TMEM178B: variants seen among roughly 807,000 people sequenced by gnomAD.
TMEM178B encodes transmembrane protein 178B.
Under a neutral mutation model 31.0 loss-of-function variants are expected in TMEM178B, and 5 were observed. The observed-to-expected ratio is 0.16, with a 90% CI of 0.08 to 0.34. TMEM178B has a LOEUF of 0.34. Ranked by LOEUF, TMEM178B falls within the 10% of genes least tolerant of loss-of-function variation. The probability of loss-of-function intolerance (pLI) is 1.00; values close to 1 mark genes in which losing one functional copy is unlikely to be tolerated. For synonymous variants in TMEM178B, 164 were observed against 164.0 expected, an observed-to-expected ratio of 1.00 and a Z score of 0.00; for missense variants, 275 against 400.3, an observed-to-expected ratio of 0.69 and a Z score of 2.67.
chr7:141,336,541 T>C (rs541407223), intron 2 of TMEM178B, among the ~76,000 whole-genome samples: 2 of 152,208 alleles, frequency 1.3e-5, no homozygotes, highest in Admixed American at 1.3e-4. Context: ...GTTTGGGCTG[T>C]TGTGACTTGT....
At chr7:141,429,808 CAT>C (rs992868124) in intron 2 of TMEM178B, 4 of 152,282 alleles carry the variant, frequency 2.6e-5, no homozygotes, top group African/African-American at 9.6e-5. Context: ...ATGATAAAAA[CAT>C]AAAATGTTAT....
chr7:141,222,036 G>A (rs1797265412), intron 2 of TMEM178B, among the ~76,000 whole-genome samples: 1 of 152,216 alleles, frequency 6.6e-6, no homozygotes, highest in African/African-American at 2.4e-5. Flanking sequence ...GTGGATCGTA[G>A]TGGTCAGAGA....
chr7:141,074,712 C>A lies in TMEM178B; in HGVS notation c.382+20C>A. 6.9e-7 allele frequency: 1 copy of A among 1,459,556 alleles called. No homozygotes were observed. Among genetic ancestry groups the A allele is most frequent in the Non-Finnish European group, 9.0e-7 (1 of 1,110,378 alleles). 90.4% of individuals were successfully genotyped at this position (1,459,556 alleles called of 1,614,324 possible). A position where few individuals can be genotyped will look rare whatever the true frequency, so the allele number is the denominator to read the frequency against. On this transcript the variant is annotated intron_variant, in intron 1 of 3. Coordinates refer to ENST00000565468, the MANE Select transcript of TMEM178B (RefSeq NM_001195278.2). The surrounding 1 kb of genome is among the most constrained non-coding windows in gnomAD (Gnocchi z 5.1). ...GGAAAGGTAAGCGCCGGGCGCAAGG[C>A]GTGGCGCTGCGGAGAGCCCGGCGCC...
intron 2 of TMEM178B, among the ~76,000 whole-genome samples, chr7:141,375,895 G>A (rs1462527536): frequency 6.6e-6 from 1 of 152,186 alleles, no homozygotes; most frequent in Non-Finnish European, 1.5e-5. Flanking sequence ...AAGGAGACAG[G>A]CCTCTTGGCC....
chr7:141,233,132 G>A (rs1797473751), intron 2 of TMEM178B, among the ~76,000 whole-genome samples: 1 of 152,154 alleles, frequency 6.6e-6, no homozygotes, highest in African/African-American at 2.4e-5. Context: ...AGGCAGATTG[G>A]GAGTCTCTCC....
At position 141,405,759 on chromosome 7, in the gene TMEM178B, G is replaced by T. The variant is rs192705020; in HGVS notation, c.497-31849G>T. Among the ~76,000 whole-genome samples the T allele has an allele frequency of 3.2e-3, 482 of 152,210 alleles. 3 individuals are homozygous for T. Among genetic ancestry groups the T allele is most frequent in the African/African-American group, 0.011 (471 of 41,536 alleles). On this transcript the variant is annotated intron_variant, in intron 2 of 3. Transcript: ENST00000565468. ...GGTCTACAAAAAAGGAGGAGGCAGG[G>T]GCCTTGAAAATGTCAGTGGGGCTCC...
intron 1 of TMEM178B, among the ~76,000 whole-genome samples, chr7:141,131,709 G>A (rs552221380): frequency 2.0e-5 from 3 of 152,176 alleles, no homozygotes; most frequent in Admixed American, 1.3e-4. Flanking sequence ...TTGTTGATGG[G>A]CATTTGGGTA....
At chr7:141,307,714 T>A (rs1798838858) in intron 2 of TMEM178B, among the ~76,000 whole-genome samples, 1 of 152,230 alleles carries the variant, frequency 6.6e-6, no homozygotes, top group Non-Finnish European at 1.5e-5. Flanking sequence ...TTGCTTTCAA[T>A]CTTTCAATCT....
chr7:141,476,007 G>C lies in TMEM178B; in HGVS notation c.*5221G>C, dbSNP rs553228293. ...ATAAGTGATAACACCTTACCTCATG[G>C]TATATTAAGGGTGACAAAGAAATTG... On this transcript the variant is annotated 3_prime_UTR_variant, in exon 4 of 4. Coordinates refer to ENST00000565468, the MANE Select transcript of TMEM178B (RefSeq NM_001195278.2). 6.6e-6 allele frequency: 1 copy of C among 152,244 alleles called. No individual in the cohort carries two copies. The highest frequency in any genetic ancestry group is 1.9e-4 in the East Asian group (1 of 5,176). The allele number at this position is 152,244 out of a possible 1,614,324, so 9.4% of individuals were successfully genotyped here. A position where few individuals can be genotyped will look rare whatever the true frequency, so the allele number is the denominator to read the frequency against.
At chr7:141,224,505 C>G (rs940329128) in intron 2 of TMEM178B, among the ~76,000 whole-genome samples, 1 of 152,220 alleles carries the variant, frequency 6.6e-6, no homozygotes, top group African/African-American at 2.4e-5. Flanking sequence ...TTCCCAGATT[C>G]TTGCTCACCA....
chr7:141,436,150 G>A (rs556892943), intron 2 of TMEM178B, among the ~76,000 whole-genome samples: 1 of 152,330 alleles, frequency 6.6e-6, no homozygotes, highest in South Asian at 2.1e-4. Flanking sequence ...CTCTGCTGGG[G>A]TTCCCCATGG....
chr7:141,105,835 C>G (rs1268385240), intron 1 of TMEM178B, among the ~76,000 whole-genome samples: 1 of 152,102 alleles, frequency 6.6e-6, no homozygotes, highest in Non-Finnish European at 1.5e-5. Flanking sequence ...TGGCTCATGC[C>G]TGTAATCCCA....
chr7:141,408,829 G>C (rs938714372), intron 2 of TMEM178B, among the ~76,000 whole-genome samples: 1 of 152,192 alleles, frequency 6.6e-6, no homozygotes, highest in African/African-American at 2.4e-5. Context: ...TGTCAACCAC[G>C]CAGAAAGGGG....
chr7:141,423,805 GTTTTTT>G (rs5888005), intron 2 of TMEM178B, among the ~76,000 whole-genome samples: 6 of 108,798 alleles, frequency 5.5e-5, no homozygotes, highest in Non-Finnish European at 7.2e-5. Context: ...TGACATTTGT[GTTTTTT>G]TTTTTTTTTT....
At chr7:141,205,548 G>T (rs1796949363) in intron 1 of TMEM178B, among the ~76,000 whole-genome samples, 2 of 152,226 alleles carry the variant, frequency 1.3e-5, no homozygotes, top group Admixed American at 1.3e-4. Flanking sequence ...GGGGATCTGG[G>T]ATCTCAGCCC....
chr7:141,268,850 C>T (rs1798134499), intron 2 of TMEM178B, among the ~76,000 whole-genome samples: 1 of 152,208 alleles, frequency 6.6e-6, no homozygotes, highest in Admixed American at 6.5e-5. Context: ...TGCTTATTGA[C>T]TTTCTGGTGG....
intron 2 of TMEM178B, among the ~76,000 whole-genome samples, chr7:141,251,312 A>T (rs1266580946): frequency 6.6e-6 from 1 of 152,048 alleles, no homozygotes; most frequent in African/African-American, 2.4e-5. Flanking sequence ...AAAGAATGAC[A>T]GCTAGAGTGG....
the TMEM178B span, among the ~76,000 whole-genome samples, chr7:141,492,004 C>G: frequency 2.0e-5 from 3 of 152,140 alleles, no homozygotes; most frequent in Non-Finnish European, 4.4e-5. Context: ...AGGCTGAAAA[C>G]CACTCAATGG....
chr7:141,438,677 G>A (rs890547150), intron 3 of TMEM178B, among the ~76,000 whole-genome samples: 7 of 104,876 alleles, frequency 6.7e-5, no homozygotes, highest in African/African-American at 2.4e-4. Flanking sequence ...TGGCCAGCTT[G>A]GTAAAACCCC....
Sources: allele counts gnomAD v4.1 joint callset (sites outside exome capture counted in the v4.1 genomes callset), GRCh38; gene constraint gnomAD v4.1.1; non-coding constraint Gnocchi (gnomAD v3.1); transcripts MANE v1.5; gene names NCBI Gene and HGNC (gene_info 2026-07-23, HGNC 2026-07-21).